The following SLC9B1 variants were observed in gnomAD, a reference collection of about 807,000 sequenced individuals.
SLC9B1 encodes sodium/hydrogen exchanger 9B1.
In SLC9B1, 32 loss-of-function variants were observed where a neutral mutation model predicts 51.7. That is an observed-to-expected ratio of 0.62 (90% CI 0.47 to 0.83). The LOEUF is 0.83. Ranked by LOEUF, SLC9B1 falls within the 40% of genes least tolerant of loss-of-function variation. The probability of loss-of-function intolerance (pLI) is 0.00; values close to 1 mark genes in which losing one functional copy is unlikely to be tolerated. For synonymous variants in SLC9B1, 145 were observed against 212.7 expected (o/e 0.68, Z 2.77); for missense variants, 406 against 613.2 (o/e 0.66, Z 3.57).
At chr4:102,931,823 AT>A (rs1560935041) in intron 7 of SLC9B1, among the ~76,000 whole-genome samples, 1 of 152,202 alleles carries the variant, frequency 6.6e-6, no homozygotes, top group African/African-American at 2.4e-5. Flanking sequence ...ATACCGCTGA[AT>A]TTTTTCTAAT....
chr4:102,907,388 C>A (rs1439581997), intron 9 of SLC9B1, among the ~76,000 whole-genome samples: 1 of 152,192 alleles, frequency 6.6e-6, no homozygotes, highest in Non-Finnish European at 1.5e-5. Context: ...TAAAGTGAAT[C>A]CTGATATATA....
chr4:102,904,048 T>C (rs1282754238), intron 11 of SLC9B1, among the ~76,000 whole-genome samples: 1 of 151,882 alleles, frequency 6.6e-6, no homozygotes, highest in Non-Finnish European at 1.5e-5. Context: ...TCAATGTGTC[T>C]CTATTTTACT....
chr4:102,943,495 ATGTGTATG>A (rs1737109541), intron 6 of SLC9B1, among the ~76,000 whole-genome samples: 4 of 145,074 alleles, frequency 2.8e-5, no homozygotes, highest in Non-Finnish European at 5.9e-5. Context: ...ATGTGTATAT[ATGTGTATG>A]TATACACACA....
chr4:102,889,626 T>TAAAG (rs1414100224), intron 11 of SLC9B1: 1 of 134,270 alleles, frequency 7.4e-6, no homozygotes, highest in Non-Finnish European at 1.6e-5. Flanking sequence ...ACTCTCAGAA[T>TAAAG]AAAGACTTTT....
intron 1 of SLC9B1, among the ~76,000 whole-genome samples, chr4:103,008,859 G>T (rs1740938603): frequency 6.7e-6 from 1 of 148,916 alleles, no homozygotes; most frequent in South Asian, 2.1e-4. Flanking sequence ...GAGTGCAGTG[G>T]CGCAATCTCG....
At chr4:102,963,117 A>G (rs1395764930) in intron 3 of SLC9B1, 3 of 369,024 alleles carry the variant, frequency 8.1e-6, no homozygotes, top group Non-Finnish European at 1.6e-5. Flanking sequence ...CCAGATTAAA[A>G]CTCAGTAAGG....
chr4:102,937,494 A>AG (rs1227993546), intron 6 of SLC9B1, among the ~76,000 whole-genome samples: 2 of 139,890 alleles, frequency 1.4e-5, no homozygotes, highest in Admixed American at 7.3e-5. Flanking sequence ...TGGGAGGCTG[A>AG]GGGGGGTGGA....
intron 7 of SLC9B1, among the ~76,000 whole-genome samples, chr4:102,931,411 G>C (rs1297265147): frequency 6.6e-6 from 1 of 151,906 alleles, no homozygotes; most frequent in Non-Finnish European, 1.5e-5. Flanking sequence ...TTTTCTTCTG[G>C]ATGTGACTAC....
intron 3 of SLC9B1, among the ~76,000 whole-genome samples, chr4:102,966,949 GTACCCTAGT>G (rs1738460932): frequency 6.6e-6 from 1 of 152,120 alleles, no homozygotes; most frequent in Admixed American, 6.5e-5. Flanking sequence ...CTTCTGCCAG[GTACCCTAGT>G]TCATCACTCT....
intron 3 of SLC9B1, among the ~76,000 whole-genome samples, chr4:102,951,960 C>CTT (rs765709645): frequency 3.1e-4 from 2 of 6,552 alleles, no homozygotes; most frequent in African/African-American, 4.6e-4. Context: ...AAAATAAAAT[C>CTT]TTTTTTTTTT....
At chr4:102,925,241 C>T (rs1172698261) in intron 7 of SLC9B1, among the ~76,000 whole-genome samples, 2 of 152,060 alleles carry the variant, frequency 1.3e-5, no homozygotes, top group Non-Finnish European at 1.5e-5. Context: ...AGGATGAGTT[C>T]CTGTCCTTTA....
intron 1 of SLC9B1, among the ~76,000 whole-genome samples, chr4:103,003,310 A>C (rs1740622892): frequency 1.3e-5 from 2 of 152,096 alleles, no homozygotes; most frequent in African/African-American, 2.4e-5. Flanking sequence ...ATCTTCTTTC[A>C]GTTCTCTTGT....
chr4:103,018,103 T>G (rs1428853903), intron 1 of SLC9B1, among the ~76,000 whole-genome samples: 6 of 152,212 alleles, frequency 3.9e-5, no homozygotes. Context: ...CAGTGTTTAG[T>G]AAACACCACA....
chr4:102,923,684 C>T (rs1292382525), intron 7 of SLC9B1, among the ~76,000 whole-genome samples: 2 of 104,208 alleles, frequency 1.9e-5, no homozygotes, highest in Non-Finnish European at 3.8e-5. Context: ...AGCCCAAAAT[C>T]TCCTTAAGCT....
rs554300715 is a variant in SLC9B1 at position 102,993,822 on chromosome 4, G to A, written c.-1-2110C>T. Among the ~76,000 whole-genome samples, 213 of 152,330 alleles carry A rather than the reference G, an allele frequency of 1.4e-3. No homozygotes were observed. The Middle Eastern group carries it at 0.017, about 12-fold the overall frequency. On this transcript the variant is annotated intron_variant, in intron 1 of 11. Transcript: ENST00000296422. Reference sequence around the variant, plus strand: ...TGTGCACCTGTCGGCCTAACACCACGTGTAAGCTGCCAAGCCTTGGGGCTT... The same window carrying A: ...TGTGCACCTGTCGGCCTAACACCACATGTAAGCTGCCAAGCCTTGGGGCTT...
intron 1 of SLC9B1, among the ~76,000 whole-genome samples, chr4:103,013,658 A>C (rs768956814): frequency 6.6e-5 from 10 of 152,238 alleles, no homozygotes; most frequent in Non-Finnish European, 1.5e-4. Context: ...GTATATGCAC[A>C]AACTCAAGAT....
At chr4:102,885,578 A>G in intron 11 of SLC9B1, 1 of 684,458 alleles carries the variant, frequency 1.5e-6, no homozygotes, top group South Asian at 1.7e-5. Context: ...TGAAGTTTTC[A>G]TGTCATGATA....
chr4:102,929,616 G>T (rs571150548), intron 7 of SLC9B1, among the ~76,000 whole-genome samples: 3 of 152,132 alleles, frequency 2.0e-5, no homozygotes, highest in Non-Finnish European at 2.9e-5. Flanking sequence ...TGCCTCTTGG[G>T]TTCAAGCAAT....
chr4:102,910,126 T>A (rs1735269586), intron 9 of SLC9B1, among the ~76,000 whole-genome samples: 1 of 152,178 alleles, frequency 6.6e-6, no homozygotes, highest in Admixed American at 6.5e-5. Context: ...TTTACAAACA[T>A]TTTTCATGGA....
Sources: allele counts gnomAD v4.1 joint callset (sites outside exome capture counted in the v4.1 genomes callset), GRCh38; gene constraint gnomAD v4.1.1; transcripts MANE v1.5; gene names NCBI Gene and HGNC (gene_info 2026-07-23, HGNC 2026-07-21).